Variants in SHROOM4 observed in about 807,000 individuals in gnomAD.
The protein encoded by SHROOM4 is protein Shroom4.
A neutral mutation model predicts 80.3 loss-of-function variants in SHROOM4; 17 were observed. The ratio of observed to expected loss-of-function variants is 0.21; its 90% CI spans 0.14 to 0.32. SHROOM4 has a LOEUF of 0.32. Among genes scored for constraint, SHROOM4 ranks in the 10% least tolerant of loss-of-function variants. The pLI is 1.00. For missense variants in SHROOM4, 993 were observed against 1,140.3 expected (o/e 0.87, Z 1.86); for synonymous variants, 400 against 437.5 (o/e 0.91, Z 1.07).
intron 2 of SHROOM4, among the ~76,000 whole-genome samples, chrX:50,668,026 G>C (rs1190320372): frequency 1.8e-5 from 2 of 112,043 alleles, no homozygotes; most frequent in African/African-American, 6.5e-5. Flanking sequence ...TGAAGGCTGA[G>C]TGGGGAGCCT....
intron 1 of SHROOM4, among the ~76,000 whole-genome samples, chrX:50,752,053 G>C (rs1557268088): frequency 8.9e-6 from 1 of 111,987 alleles, no homozygotes; most frequent in Non-Finnish European, 1.9e-5. Flanking sequence ...AGGATTTTCT[G>C]ATCAGGTGTT....
chrX:50,611,144 CTT>C (rs782473243), intron 5 of SHROOM4, among the ~76,000 whole-genome samples: 3 of 68,218 alleles, frequency 4.4e-5, no homozygotes, highest in African/African-American at 6.2e-5. Context: ...TTCTTTTTTT[CTT>C]TTTTTTTTTT....
intron 2 of SHROOM4, among the ~76,000 whole-genome samples, chrX:50,684,618 G>C (rs1933024257): frequency 8.9e-6 from 1 of 111,962 alleles, no homozygotes; most frequent in African/African-American, 3.3e-5. Flanking sequence ...ATGACTATAG[G>C]TCTGGGAAAG....
intron 2 of SHROOM4, among the ~76,000 whole-genome samples, chrX:50,656,368 A>G (rs1932305400): frequency 8.9e-6 from 1 of 112,005 alleles, no homozygotes; most frequent in African/African-American, 3.2e-5. Flanking sequence ...GTTTCCTTGT[A>G]GTAGTTTTAG....
chrX:50,718,177 C>T (rs986825578), intron 1 of SHROOM4, among the ~76,000 whole-genome samples: 2 of 111,792 alleles, frequency 1.8e-5, no homozygotes, highest in African/African-American at 3.3e-5. Context: ...AAAGGGTTCC[C>T]AGTATTGTGG....
intron 2 of SHROOM4, among the ~76,000 whole-genome samples, chrX:50,686,862 G>A (rs782397975): frequency 8.1e-5 from 9 of 111,645 alleles, no homozygotes; most frequent in Non-Finnish European, 1.3e-4. Context: ...AGCTAACTCC[G>A]TATCTAGATG....
At chrX:50,807,781 C>T (rs1557273134) in intron 1 of SHROOM4, among the ~76,000 whole-genome samples, 1 of 111,217 alleles carries the variant, frequency 9.0e-6, no homozygotes, top group African/African-American at 3.3e-5. Flanking sequence ...GAAATGTGTC[C>T]CTCCCAAATC....
At chrX:50,789,047 T>C (rs1278888156) in intron 1 of SHROOM4, among the ~76,000 whole-genome samples, 6 of 111,358 alleles carry the variant, frequency 5.4e-5, no homozygotes, top group Non-Finnish European at 1.1e-4. Flanking sequence ...GAGAAATAGA[T>C]AGCAATACTA....
intron 2 of SHROOM4, among the ~76,000 whole-genome samples, chrX:50,641,847 G>A (rs1557257211): frequency 8.9e-6 from 1 of 112,219 alleles, no homozygotes; most frequent in Non-Finnish European, 1.9e-5. Flanking sequence ...CCTGACCTCA[G>A]GTGATCCACC....
chrX:50,584,618 A>G (rs984878736), downstream of SHROOM4, among the ~76,000 whole-genome samples: 3 of 111,757 alleles, frequency 2.7e-5, no homozygotes, highest in Admixed American at 9.5e-5. Flanking sequence ...ATAAGTGAAT[A>G]GATTTGAGAC....
intron 2 of SHROOM4, among the ~76,000 whole-genome samples, chrX:50,691,519 T>TTAAAAATATCA (rs200252529): frequency 9.1e-6 from 1 of 109,943 alleles, no homozygotes; most frequent in Admixed American, 9.8e-5. Flanking sequence ...GAGGTCTATG[T>TTAAAAATATCA]AGACTTGGAA....
At chrX:50,756,074 A>C (rs1308466495) in intron 1 of SHROOM4, among the ~76,000 whole-genome samples, 15 of 111,772 alleles carry the variant, frequency 1.3e-4, no homozygotes, top group Admixed American at 1.1e-3. Context: ...AGAGCTGTGC[A>C]ACCATCACCA....
intron 5 of SHROOM4, among the ~76,000 whole-genome samples, chrX:50,615,600 C>T (rs1241605731): frequency 8.9e-6 from 1 of 112,200 alleles, no homozygotes; most frequent in Non-Finnish European, 1.9e-5. Flanking sequence ...ACAGTGGGTG[C>T]TCAGTACATA....
intron 1 of SHROOM4, among the ~76,000 whole-genome samples, chrX:50,794,758 G>A (rs1557271864): frequency 9.3e-6 from 1 of 107,200 alleles, no homozygotes; most frequent in Non-Finnish European, 1.9e-5. Context: ...AGTAATACAT[G>A]TTAAGGACAA....
intron 2 of SHROOM4, among the ~76,000 whole-genome samples, chrX:50,652,427 T>C (rs1557259000): frequency 8.9e-6 from 1 of 112,237 alleles, no homozygotes. Flanking sequence ...ATGGGTTTTT[T>C]TTCTTGTAAA....
At chrX:50,695,699 T>C in intron 2 of SHROOM4, 87 bp downstream of exon 2, 1 of 1,029,461 alleles carries the variant, frequency 9.7e-7, no homozygotes, top group South Asian at 1.9e-5. Context: ...CTTTATAATA[T>C]TGATAGAGAC....
At chrX:50,765,806 T>TA (rs1371519620) in intron 1 of SHROOM4, among the ~76,000 whole-genome samples, 1 of 111,958 alleles carries the variant, frequency 8.9e-6, no homozygotes, top group Non-Finnish European at 1.9e-5. Context: ...GTTATACCCT[T>TA]AAACTTTCTG....
chrX:50,745,134 G>C lies in SHROOM4; in HGVS notation c.118-49197C>G, dbSNP rs185013453. On this transcript the variant is annotated intron_variant, in intron 1 of 8. Transcript: ENST00000376020. ...GTGTGTACAGCCTTCCAGACCAATA[G>C]ACAAATGTGATCTTAGCAGGGCATT... Among the ~76,000 whole-genome samples, 37 of 111,713 alleles carry C rather than the reference G, an allele frequency of 3.3e-4. No homozygotes were observed. In the East Asian group the frequency reaches 0.01, roughly 32 times the overall value.
chrX:50,743,535 A>C (rs1934711125), intron 1 of SHROOM4, among the ~76,000 whole-genome samples: 1 of 110,589 alleles, frequency 9.0e-6, no homozygotes, highest in African/African-American at 3.3e-5. Flanking sequence ...GGCTCACTGC[A>C]GCCTTAACCC....
Sources: gnomAD v4.1 joint callset for allele counts (sites outside exome capture counted in the v4.1 genomes callset) on GRCh38, gnomAD v4.1.1 for gene constraint, MANE v1.5 for transcripts, NCBI Gene and HGNC (gene_info 2026-07-23, HGNC 2026-07-21) for gene names.